The following HELZ variants were observed in gnomAD, a reference collection of about 807,000 sequenced individuals.
The protein encoded by HELZ is helicase with zinc finger.
Under a neutral mutation model 218.2 loss-of-function variants are expected in HELZ, and 23 were observed. The observed-to-expected ratio is 0.11, with a 90% CI of 0.08 to 0.15. HELZ has a LOEUF of 0.15. HELZ is among the 10% of genes least tolerant of loss of function. The probability of loss-of-function intolerance (pLI) is 1.00; values close to 1 mark genes in which losing one functional copy is unlikely to be tolerated. For synonymous variants in HELZ, 814 were observed against 829.4 expected (o/e 0.98, Z 0.32); for missense variants, 1,813 against 2,353.7 (o/e 0.77, Z 4.75).
At chr17:67,234,728 TCCTGA>T (rs1007501420) in intron 3 of HELZ, among the ~76,000 whole-genome samples, 4 of 151,968 alleles carry the variant, frequency 2.6e-5, no homozygotes, top group African/African-American at 9.7e-5. Flanking sequence ...CAAAACCCAG[TCCTGA>T]CCTATTGGCA....
chr17:67,094,912 C>T (rs2036696117), intron 31 of HELZ, among the ~76,000 whole-genome samples: 1 of 152,198 alleles, frequency 6.6e-6, no homozygotes, highest in Non-Finnish European at 1.5e-5. Flanking sequence ...AAAAAATGCT[C>T]ACTGACCAGG....
intron 4 of HELZ, among the ~76,000 whole-genome samples, chr17:67,216,421 C>T (rs1367778616): frequency 1.3e-5 from 2 of 152,194 alleles, no homozygotes; most frequent in Non-Finnish European, 2.9e-5. Flanking sequence ...TGTCCTACAT[C>T]ATTAATTTTT....
At chr17:67,131,904 G>A (rs2037997100) in intron 23 of HELZ, among the ~76,000 whole-genome samples, 1 of 151,824 alleles carries the variant, frequency 6.6e-6, no homozygotes, top group Admixed American at 6.6e-5. Flanking sequence ...CAATTATGAA[G>A]CATTTCTGAA....
chr17:67,109,838 C>A, intron 28 of HELZ, 152 bp from the exon 29 acceptor site: 4 of 517,716 alleles, frequency 7.7e-6, no homozygotes, highest in Non-Finnish European at 1.3e-5. Context: ...TTCTCACAAT[C>A]AAATAAAGGA....
intron 32 of HELZ, among the ~76,000 whole-genome samples, 198 bp downstream of exon 32, chr17:67,086,631 A>AATATAAATATAAATATAAATATATAT (rs914625902): frequency 2.1e-5 from 2 of 93,314 alleles, no homozygotes; most frequent in African/African-American, 9.6e-5. Flanking sequence ...TATAAATATA[A>AATATAAATATAAATATAAATATATAT]ATATATATAT....
intron 22 of HELZ, among the ~76,000 whole-genome samples, chr17:67,137,400 G>GCTCTTACTGCTGTATATTA (rs2038187827): frequency 6.6e-6 from 1 of 152,108 alleles, no homozygotes; most frequent in African/African-American, 2.4e-5. Flanking sequence ...TTTTGCCCAT[G>GCTCTTACTGCTGTATATTA]CTCTTACTGC....
At chr17:67,153,673 C>T (rs2038757681) in intron 17 of HELZ, among the ~76,000 whole-genome samples, 2 of 152,146 alleles carry the variant, frequency 1.3e-5, no homozygotes, top group Non-Finnish European at 2.9e-5. Context: ...ACAGAAGCCC[C>T]CCCACTTCCC....
At chr17:67,115,666 G>C (rs903543366) in intron 27 of HELZ, among the ~76,000 whole-genome samples, 7 of 152,072 alleles carry the variant, frequency 4.6e-5, no homozygotes, top group Non-Finnish European at 7.4e-5. Flanking sequence ...CACCATTAAA[G>C]TATCAAATGA....
chr17:67,144,731 C>T (rs913765170), intron 21 of HELZ, among the ~76,000 whole-genome samples: 4 of 152,100 alleles, frequency 2.6e-5, no homozygotes, highest in African/African-American at 7.2e-5. Flanking sequence ...GTTGCCACTT[C>T]CTGTCATCCC....
At chr17:67,168,194 G>A (rs1260196906) in intron 13 of HELZ, among the ~76,000 whole-genome samples, 1 of 152,054 alleles carries the variant, frequency 6.6e-6, no homozygotes, top group African/African-American at 2.4e-5. Flanking sequence ...GGCCAGGCTG[G>A]TCTCAAGCTC....
At chr17:67,187,337 A>AG in intron 12 of HELZ, among the ~76,000 whole-genome samples, 1 of 151,974 alleles carries the variant, frequency 6.6e-6, no homozygotes, top group South Asian at 2.1e-4. Context: ...ACGTAGAAGA[A>AG]GATGTCACCT....
At chr17:67,205,281 G>A (rs915189505) in intron 5 of HELZ, among the ~76,000 whole-genome samples, 12 of 151,242 alleles carry the variant, frequency 7.9e-5, no homozygotes, top group African/African-American at 1.2e-4. Context: ...AGCCAAGATC[G>A]TACCACTGCA....
intron 17 of HELZ, among the ~76,000 whole-genome samples, chr17:67,154,231 C>T (rs1207060263): frequency 6.6e-6 from 1 of 152,180 alleles, no homozygotes. Flanking sequence ...AGTTCAAGAC[C>T]AGCCTGGCCA....
At chr17:67,137,525 A>C (rs1352210357) in intron 22 of HELZ, among the ~76,000 whole-genome samples, 1 of 152,232 alleles carries the variant, frequency 6.6e-6, no homozygotes, top group Non-Finnish European at 1.5e-5. Context: ...ATTTTATAGC[A>C]ATTAATTAAA....
chr17:67,146,254 G>A (rs2038493497), intron 20 of HELZ, among the ~76,000 whole-genome samples: 1 of 152,074 alleles, frequency 6.6e-6, no homozygotes, highest in Non-Finnish European at 1.5e-5. Context: ...TGATGATTTA[G>A]TCAACAATAG....
chr17:67,080,732 A>C (rs2036162430), intron 32 of HELZ, among the ~76,000 whole-genome samples: 1 of 152,236 alleles, frequency 6.6e-6, no homozygotes, highest in African/African-American at 2.4e-5. Flanking sequence ...TAACAATAGA[A>C]GTGGAACAAT....
intron 26 of HELZ, among the ~76,000 whole-genome samples, chr17:67,121,199 G>A (rs990975677): frequency 6.6e-6 from 1 of 152,160 alleles, no homozygotes; most frequent in African/African-American, 2.4e-5. Flanking sequence ...TTGTTTAAGT[G>A]TGTCTAGATA....
intron 21 of HELZ, among the ~76,000 whole-genome samples, chr17:67,142,116 G>A (rs1297742192): frequency 6.6e-6 from 1 of 151,714 alleles, no homozygotes; most frequent in Non-Finnish European, 1.5e-5. Context: ...TACAAAAGAA[G>A]GCAATAAAGA....
intron 27 of HELZ, among the ~76,000 whole-genome samples, chr17:67,116,243 G>A (rs1205399460): frequency 6.6e-6 from 1 of 150,884 alleles, no homozygotes; most frequent in Non-Finnish European, 1.5e-5. Flanking sequence ...TCCAGAAGAG[G>A]GCAGAATAAA....
Sources: allele counts gnomAD v4.1 joint callset (sites outside exome capture counted in the v4.1 genomes callset), GRCh38; gene constraint gnomAD v4.1.1; transcripts MANE v1.5; gene names NCBI Gene and HGNC (gene_info 2026-07-23, HGNC 2026-07-21).